PHLDB2: variants seen among roughly 807,000 people sequenced by gnomAD.
PHLDB2 encodes pleckstrin homology-like domain family B member 2.
A neutral mutation model predicts 123.6 loss-of-function variants in PHLDB2; 71 were observed. The observed-to-expected ratio is 0.57, with a 90% CI of 0.47 to 0.70. PHLDB2 has a LOEUF of 0.70. Among genes scored for constraint, PHLDB2 ranks in the 30% least tolerant of loss-of-function variants. The pLI is 0.00. For missense variants in PHLDB2, 1,446 were observed against 1,519.5 expected (o/e 0.95, Z 0.80); for synonymous variants, 547 against 541.6 (o/e 1.01, Z -0.14).
At chr3:111,774,187 G>A (rs1422119912) in intron 1 of PHLDB2, among the ~76,000 whole-genome samples, 1 of 152,172 alleles carries the variant, frequency 6.6e-6, no homozygotes, top group Non-Finnish European at 1.5e-5. Flanking sequence ...TCCCACCTCT[G>A]TTGTGTGCTC....
At chr3:111,762,182 C>G (rs2060007789) in intron 1 of PHLDB2, among the ~76,000 whole-genome samples, 1 of 152,172 alleles carries the variant, frequency 6.6e-6, no homozygotes, top group Non-Finnish European at 1.5e-5. Context: ...AAACTTAAGT[C>G]AGTCACTTAC....
At chr3:111,866,920 G>A (rs1054488350) in intron 1 of PHLDB2, among the ~76,000 whole-genome samples, 1 of 126,630 alleles carries the variant, frequency 7.9e-6, no homozygotes, top group South Asian at 2.6e-4. Flanking sequence ...CTTAACATAA[G>A]TTTCTAAGGG....
At chr3:111,871,059 C>T (rs2065315410) in intron 1 of PHLDB2, among the ~76,000 whole-genome samples, 1 of 151,954 alleles carries the variant, frequency 6.6e-6, no homozygotes, top group South Asian at 2.1e-4. Flanking sequence ...AATCTAAATC[C>T]CTCTGCATTT....
intron 12 of PHLDB2, chr3:111,957,916 A>G (rs972113525): frequency 2.6e-5 from 4 of 152,212 alleles, no homozygotes; most frequent in Non-Finnish European, 4.4e-5. Flanking sequence ...TGGAAAAAGA[A>G]TTGTTTGATA....
At chr3:111,918,164 T>G (rs979103494) in intron 3 of PHLDB2, among the ~76,000 whole-genome samples, 7 of 152,216 alleles carry the variant, frequency 4.6e-5, no homozygotes, top group Non-Finnish European at 1.0e-4. Context: ...TCCATTCTCT[T>G]CTTGAAGAAT....
chr3:111,790,081 C>T (rs1221544578), intron 1 of PHLDB2, among the ~76,000 whole-genome samples: 1 of 152,148 alleles, frequency 6.6e-6, no homozygotes, highest in Non-Finnish European at 1.5e-5. Context: ...ATCTTATCAG[C>T]ACCTCAGAAA....
intron 2 of PHLDB2, among the ~76,000 whole-genome samples, chr3:111,886,332 T>C (rs919206106): frequency 6.6e-6 from 1 of 152,218 alleles, no homozygotes; most frequent in Non-Finnish European, 1.5e-5. Context: ...GACAATAAAA[T>C]TGTAACCCAG....
intron 2 of PHLDB2, among the ~76,000 whole-genome samples, chr3:111,904,276 T>TTGAAAAAAAAAAAA (rs1368088646): frequency 2.7e-4 from 3 of 11,030 alleles, no homozygotes; most frequent in African/African-American, 5.0e-4. Flanking sequence ...AGACCCTGTC[T>TTGAAAAAAAAAAAA]CAAAAAAAAA....
intron 1 of PHLDB2, among the ~76,000 whole-genome samples, chr3:111,741,262 A>G (rs1483054110): frequency 3.3e-5 from 5 of 152,236 alleles, no homozygotes; most frequent in Admixed American, 6.5e-5. Flanking sequence ...GTCAGAGTCC[A>G]TGGGTCTCCC....
At chr3:111,859,832 G>A in intron 1 of PHLDB2, 1 of 985,946 alleles carries the variant, frequency 1.0e-6, no homozygotes, top group South Asian at 4.7e-5. Flanking sequence ...TAGGCGCTAG[G>A]GCGGCGGCGC....
intron 3 of PHLDB2, chr3:111,913,929 C>T (rs2068021488): frequency 1.8e-6 from 1 of 557,980 alleles, no homozygotes; most frequent in African/African-American, 1.9e-5. Context: ...AGAAAGAAAG[C>T]ACATTTCTCT....
At chr3:111,911,262 C>A (rs1384231141) in intron 2 of PHLDB2, among the ~76,000 whole-genome samples, 3 of 152,106 alleles carry the variant, frequency 2.0e-5, no homozygotes, top group African/African-American at 7.2e-5. Flanking sequence ...TATGCCAAGG[C>A]TAATGTATAC....
At chr3:111,862,957 A>C (rs1246066337) in intron 1 of PHLDB2, among the ~76,000 whole-genome samples, 1 of 152,208 alleles carries the variant, frequency 6.6e-6, no homozygotes, top group Non-Finnish European at 1.5e-5. Flanking sequence ...TTCTAGGTAC[A>C]ACCCAGGAGT....
At chr3:111,752,004 T>C (rs2059785840) in intron 1 of PHLDB2, among the ~76,000 whole-genome samples, 1 of 152,154 alleles carries the variant, frequency 6.6e-6, no homozygotes, top group Non-Finnish European at 1.5e-5. Context: ...GTTCACAAAA[T>C]GATTTTAAAC....
chr3:111,800,093 C>T (rs1013353797), intron 1 of PHLDB2, among the ~76,000 whole-genome samples: 1 of 152,130 alleles, frequency 6.6e-6, no homozygotes, highest in Admixed American at 6.5e-5. Context: ...CAGACTCAAC[C>T]TCCCTGGGCT....
chr3:111,850,410 G>A (rs555398020), intron 2 of PHLDB2, among the ~76,000 whole-genome samples: 7 of 152,170 alleles, frequency 4.6e-5, no homozygotes, highest in Non-Finnish European at 8.8e-5. Context: ...TAATTCATTC[G>A]TGTAATAAAA....
intron 1 of PHLDB2, among the ~76,000 whole-genome samples, chr3:111,746,440 G>T (rs1459526204): frequency 6.6e-6 from 1 of 152,096 alleles, no homozygotes; most frequent in East Asian, 1.9e-4. Context: ...ACATGAATAG[G>T]GTTCATGTCC....
intron 1 of PHLDB2, among the ~76,000 whole-genome samples, chr3:111,865,848 C>T (rs1037904827): frequency 6.6e-6 from 1 of 151,420 alleles, no homozygotes; most frequent in Non-Finnish European, 1.5e-5. Flanking sequence ...AGTTATTTCC[C>T]TTCTTTCAAG....
intron 1 of PHLDB2, among the ~76,000 whole-genome samples, chr3:111,830,196 G>A (rs952854502): frequency 2.6e-4 from 39 of 151,906 alleles, no homozygotes; most frequent in African/African-American, 9.0e-4. Flanking sequence ...CTCCTACTTC[G>A]AGGCCTCTAT....
Sources: allele counts gnomAD v4.1 joint callset (sites outside exome capture counted in the v4.1 genomes callset), GRCh38; gene constraint gnomAD v4.1.1; transcripts MANE v1.5; gene names NCBI Gene and HGNC (gene_info 2026-07-23, HGNC 2026-07-21).